The following NPS variants were observed in gnomAD, a reference collection of about 807,000 sequenced individuals.
NPS encodes prepro-neuropeptide S.
Under a neutral mutation model 7.2 loss-of-function variants are expected in NPS, and 6 were observed. The observed-to-expected ratio is 0.83, with a 90% CI of 0.46 to 1.64. The LOEUF (loss-of-function observed/expected upper bound fraction) is 1.64, where lower values mean the gene tolerates loss of function less well. Among genes scored for constraint, NPS ranks in the 40% most tolerant of loss-of-function variants. The probability of loss-of-function intolerance (pLI) is 0.01; values close to 1 mark genes in which losing one functional copy is unlikely to be tolerated. For missense variants in NPS, 123 were observed against 97.8 expected (o/e 1.26, Z -1.09); for synonymous variants, 42 against 36.7 (o/e 1.14, Z -0.52).
intron 2 of NPS, 123 bp downstream of exon 2, chr10:127,549,693 A>T: frequency 1.5e-6 from 1 of 658,406 alleles, no homozygotes; most frequent in Non-Finnish European, 2.7e-6. Flanking sequence ...TAGAGTTCTC[A>T]ATGGGAAAAA....
chr10:127,550,021 T>C (rs1396974651), intron 2 of NPS, among the ~76,000 whole-genome samples: 1 of 152,208 alleles, frequency 6.6e-6, no homozygotes, highest in African/African-American at 2.4e-5. Context: ...TTAATTCATA[T>C]ATTTATTAGA....
In NPS at chr10:127,553,319, C is replaced by T. The variant is rs79326427; in HGVS notation, c.*680C>T. Among the ~76,000 whole-genome samples the T allele has an allele frequency of 0.013, 1,983 of 152,204 alleles. 44 individuals are homozygous for T. The highest frequency in any genetic ancestry group is 0.045 in the African/African-American group (1,872 of 41,532). The stretch of plus-strand genomic sequence containing the variant: ...AGCACAGAAATGCTGCCAGTAACAA[C>T]AACAACAGAGAGACTGAGAGTGCCC... On this transcript the variant is annotated 3_prime_UTR_variant, in exon 3 of 3. Transcript: ENST00000398023.
chr10:127,551,257 A>G (rs976720308), intron 2 of NPS, among the ~76,000 whole-genome samples: 12 of 63,232 alleles, frequency 1.9e-4, no homozygotes, highest in African/African-American at 1.3e-3. Context: ...AAAAGGGGGG[A>G]AAAAGCCCAT....
At position 127,552,586 on chromosome 10, in the gene NPS, A is replaced by G. The variant is rs779231553; in HGVS notation, c.217A>G (p.Asn73Asp). The change falls in exon 3 of 3, where the codon AAT (asparagine) becomes GAT (aspartate). Residue 73 changes from asparagine to aspartate, a missense_variant. Transcript: ENST00000398023. ...EKMFVKRSFR[N>D]GVGTGMKKTS... Reference sequence around the variant, plus strand: ...GATGTTTGTGAAAAGGTCCTTTCGCAATGGAGTTGGCACAGGGATGAAAAA... The same window carrying G: ...GATGTTTGTGAAAAGGTCCTTTCGCGATGGAGTTGGCACAGGGATGAAAAA... 10 of 1,613,904 alleles carry G rather than the reference A, an allele frequency of 6.2e-6. No individual in the cohort carries two copies. The South Asian group carries it at 9.9e-5, about 16-fold the overall frequency.
In NPS at chr10:127,552,788, A is replaced by G. The variant is rs990881702; in HGVS notation, c.*149A>G. On this transcript the variant is annotated 3_prime_UTR_variant, in exon 3 of 3. Coordinates refer to ENST00000398023, the MANE Select transcript of NPS (RefSeq NM_001030013.2). Reference sequence around the variant, plus strand: ...CTGACTGGTACAGAGTAAATTGAGTAAAAAAAGAAAAAAAATGTAAACATG... The same window carrying G: ...CTGACTGGTACAGAGTAAATTGAGTGAAAAAAGAAAAAAAATGTAAACATG... The G allele has an allele frequency of 2.3e-5, 10 of 434,418 alleles. No homozygotes were observed. The highest frequency in any genetic ancestry group is 1.9e-4 in the South Asian group (4 of 20,554). 26.9% of individuals were successfully genotyped at this position (434,418 alleles called of 1,614,324 possible). A position where few individuals can be genotyped will look rare whatever the true frequency, so the allele number is the denominator to read the frequency against.
chr10:127,549,644 T>C, intron 2 of NPS, 74 bp downstream of exon 2: 1 of 914,456 alleles, frequency 1.1e-6, no homozygotes, highest in Non-Finnish European at 1.8e-6. Context: ...CCAAATACTT[T>C]CAAGGAATAT....
intron 2 of NPS, among the ~76,000 whole-genome samples, chr10:127,551,302 C>G: frequency 6.6e-6 from 1 of 151,884 alleles, no homozygotes. Flanking sequence ...AATGATTTGT[C>G]TGGGTTGCAC....
At chr10:127,551,717 C>T (rs1214666439) in intron 2 of NPS, among the ~76,000 whole-genome samples, 1 of 152,126 alleles carries the variant, frequency 6.6e-6, no homozygotes, top group Admixed American at 6.5e-5. Context: ...CCTCTGAAAC[C>T]ATGCAAGAGG....
intron 1 of NPS, 49 bp downstream of exon 1, chr10:127,549,425 C>A (rs781307837): frequency 6.3e-7 from 1 of 1,593,630 alleles, no homozygotes; most frequent in Admixed American, 1.7e-5. Context: ...TTTTCATATG[C>A]TGTTTTACTT....
rs2134878221 is a variant in NPS at position 127,552,457 on chromosome 10, C to T, written c.91-3C>T. 1 of 1,584,128 alleles carries T rather than the reference C, an allele frequency of 6.3e-7. No individual in the cohort carries two copies. The highest frequency in any genetic ancestry group is 1.1e-5 in the South Asian group (1 of 89,818). On this transcript the variant is annotated splice_polypyrimidine_tract_variant and splice_region_variant and intron_variant, in intron 2 of 2. Coordinates refer to ENST00000398023, the MANE Select transcript of NPS (RefSeq NM_001030013.2). ...CTTTCTCCTCACCCATCTGAATTGC[C>T]AGGTGTCTGGAAAATCTGATTACTT...
rs1252239276 is a variant in NPS, at chr10:127,553,401, C to T, written c.*762C>T. Reference sequence around the variant, plus strand: ...TTCCCCAAACTATGCTGATTAATGCCCTCTCCTTTCCCCCATCCTTCCAGG... The same window carrying T: ...TTCCCCAAACTATGCTGATTAATGCTCTCTCCTTTCCCCCATCCTTCCAGG... On this transcript the variant is annotated 3_prime_UTR_variant, in exon 3 of 3. Coordinates refer to ENST00000398023, the MANE Select transcript of NPS (RefSeq NM_001030013.2). 1.3e-5 allele frequency among the ~76,000 whole-genome samples: 2 copies of T among 152,106 alleles called. No homozygotes were observed. The highest frequency in any genetic ancestry group is 2.4e-5 in the African/African-American group (1 of 41,424).
chr10:127,551,786 GA>G (rs1844861260), intron 2 of NPS, among the ~76,000 whole-genome samples: 1 of 152,148 alleles, frequency 6.6e-6, no homozygotes, highest in African/African-American at 2.4e-5. Context: ...CTGCCTCTTG[GA>G]ATCTCCAGCC....
chr10:127,550,203 A>G (rs1482670618), intron 2 of NPS, among the ~76,000 whole-genome samples: 3 of 152,160 alleles, frequency 2.0e-5, no homozygotes, highest in South Asian at 2.1e-4. Context: ...TTTGAACTTG[A>G]ACTTTTTTTC....
Position 127,549,614 on chromosome 10 carries a change from A to C in NPS, c.90+44A>C, listed in dbSNP as rs138790329. 3.6e-4 allele frequency: 389 copies of C among 1,085,616 alleles called. 1 individual carries two copies. The highest frequency in any genetic ancestry group is 1.4e-3 in the Middle Eastern group (7 of 5,010). The allele number at this position is 1,085,616 out of a possible 1,614,324, so 67.2% of individuals were successfully genotyped here. ...TGTGGATATTTAAATAGATGACTAGAATGGTAAATTATGTAAATTCCAAAT... is the reference window on the plus strand; with the variant it reads ...TGTGGATATTTAAATAGATGACTAGCATGGTAAATTATGTAAATTCCAAAT... On this transcript the variant is annotated intron_variant, in intron 2 of 2. Transcript: ENST00000398023.
chr10:127,551,073 C>T (rs1257673821), intron 2 of NPS, among the ~76,000 whole-genome samples: 1 of 152,196 alleles, frequency 6.6e-6, no homozygotes, highest in Non-Finnish European at 1.5e-5. Flanking sequence ...CCTGCAATGA[C>T]TCAGAGGCCC....
intron 2 of NPS, among the ~76,000 whole-genome samples, chr10:127,551,119 T>C (rs72845553): frequency 0.088 from 13,354 of 152,198 alleles, 749 homozygotes; most frequent in Non-Finnish European, 0.14. Context: ...AGGCGTTCTC[T>C]CTATCATGTT....
At position 127,552,892 on chromosome 10, in the gene NPS, G is replaced by A. The variant is rs1480946488; in HGVS notation, c.*253G>A. On this transcript the variant is annotated 3_prime_UTR_variant, in exon 3 of 3. Coordinates refer to ENST00000398023, the MANE Select transcript of NPS (RefSeq NM_001030013.2). ...CCATTAGTAACTTTTTCCTGAATGG[G>A]ATGGACACTTTTGCTTTGCTTTTAA... is the stretch of plus-strand genomic sequence containing the variant. 2.0e-5 allele frequency among the ~76,000 whole-genome samples: 3 copies of A among 152,144 alleles called. No individual in the cohort carries two copies. Among genetic ancestry groups the A allele is most frequent in the African/African-American group, 4.8e-5 (2 of 41,424 alleles).
rs4751440 is a variant in NPS at position 127,552,592 on chromosome 10, G to C, written c.223G>C (p.Val75Leu). 0.12 allele frequency: 190,634 copies of C among 1,612,608 alleles called. 12,592 individuals carry two copies. Among genetic ancestry groups the C allele is most frequent in the Non-Finnish European group, 0.14 (164,292 of 1,178,658 alleles). ...MFVKRSFRNG[V>L]GTGMKKTSFQ... The stretch of plus-strand genomic sequence containing the variant: ...TGTGAAAAGGTCCTTTCGCAATGGA[G>C]TTGGCACAGGGATGAAAAAAACTTC... Residue 75 changes from valine to leucine, a missense_variant, in exon 3 of 3, where the codon GTT (valine) becomes CTT (leucine). Transcript: ENST00000398023.
Position 127,552,672 on chromosome 10 carries a change from A to T in NPS, c.*33A>T. ...TGCAAAGGACTCGGGGAATTAATCT[A>T]ACTGTAGAGTGTGACTGACGTACTC... On this transcript the variant is annotated 3_prime_UTR_variant, in exon 3 of 3. Transcript: ENST00000398023. 1 of 1,453,364 alleles carries T rather than the reference A, an allele frequency of 6.9e-7. No homozygotes were observed. The highest frequency in any genetic ancestry group is 9.6e-7 in the Non-Finnish European group (1 of 1,037,100). The allele number at this position is 1,453,364 out of a possible 1,614,324, so 90.0% of individuals were successfully genotyped here.
Sources: allele counts gnomAD v4.1 joint callset (sites outside exome capture counted in the v4.1 genomes callset), GRCh38; gene constraint gnomAD v4.1.1; transcripts MANE v1.5; gene names NCBI Gene and HGNC (gene_info 2026-07-23, HGNC 2026-07-21).